The following EYS variants were observed in gnomAD, a reference collection of about 807,000 sequenced individuals.
The protein encoded by EYS is EGF-like photoreceptor maintenance factor, also known as protein eyes shut homolog.
A neutral mutation model predicts 282.1 loss-of-function variants in EYS; 250 were observed. The observed-to-expected ratio is 0.89, with a 90% CI of 0.80 to 0.98. EYS has a LOEUF of 0.98. Among genes scored for constraint, EYS ranks in the 50% least tolerant of loss-of-function variants. The pLI is 0.00. For missense variants in EYS, 4,016 were observed against 3,709.0 expected (o/e 1.08, Z -2.15); for synonymous variants, 1,355 against 1,282.9 (o/e 1.06, Z -1.20).
intron 13 of EYS, among the ~76,000 whole-genome samples, chr6:65,051,846 T>C (rs1418964596): frequency 6.6e-6 from 1 of 151,522 alleles, no homozygotes; most frequent in Non-Finnish European, 1.5e-5. Context: ...TAACTTCATA[T>C]AGATTACAGT....
intron 5 of EYS, among the ~76,000 whole-genome samples, chr6:65,448,665 T>C (rs1764287340): frequency 3.3e-5 from 5 of 152,070 alleles, no homozygotes; most frequent in Admixed American, 2.6e-4. Flanking sequence ...ACTGCTTTAC[T>C]GCTTTATAAA....
rs77025804 is a variant in EYS at position 64,364,317 on chromosome 6, G to C, written c.6078+24373C>G. 7.9e-5 allele frequency among the ~76,000 whole-genome samples: 12 copies of C among 151,912 alleles called. No individual in the cohort carries two copies. The East Asian group carries it at 2.1e-3, about 27-fold the overall frequency. ...TTTACTCTTAGTTTTCTATAATATA[G>C]AATCAGGGATTTAAACTCTATGATC... On this transcript the variant is annotated intron_variant, in intron 29 of 42. Coordinates refer to ENST00000503581, the MANE Select transcript of EYS (RefSeq NM_001142800.2).
At chr6:64,844,577 C>A (rs1331652994) in intron 19 of EYS, among the ~76,000 whole-genome samples, 1 of 151,982 alleles carries the variant, frequency 6.6e-6, no homozygotes, top group Non-Finnish European at 1.5e-5. Flanking sequence ...ACCCTTCTTT[C>A]ACCTACTAGT....
At chr6:65,301,265 G>A (rs60158763) in intron 11 of EYS, among the ~76,000 whole-genome samples, 8,332 of 152,044 alleles carry the variant, frequency 0.055, 248 homozygotes, top group South Asian at 0.095. Context: ...GGAGGCCGAG[G>A]CGGGCAGATC....
In EYS at chr6:65,078,216, T is replaced by G. The variant is rs569529900; in HGVS notation, c.2024-20489A>C. 1.4e-4 allele frequency among the ~76,000 whole-genome samples: 21 copies of G among 152,286 alleles called. 1 individual carries two copies. Among genetic ancestry groups the G allele is most frequent in the Admixed American group, 7.2e-4 (11 of 15,280 alleles). ...TATATGCCAGCATGCACTTTATGTT[T>G]GCAGTCAGGTTTAGAATTTTATGTC... On this transcript the variant is annotated intron_variant, in intron 12 of 42. Transcript: ENST00000503581.
intron 13 of EYS, among the ~76,000 whole-genome samples, chr6:65,023,441 T>C (rs913754545): frequency 2.0e-5 from 3 of 152,170 alleles, no homozygotes; most frequent in Non-Finnish European, 2.9e-5. Context: ...GGAGAAAAAT[T>C]GTTGAAATTG....
intron 2 of EYS, among the ~76,000 whole-genome samples, chr6:65,517,591 T>C (rs1260393363): frequency 6.6e-6 from 1 of 152,080 alleles, no homozygotes; most frequent in Admixed American, 6.6e-5. Flanking sequence ...GCAAGTCATT[T>C]TGGGCTTTTT....
intron 31 of EYS, among the ~76,000 whole-genome samples, chr6:64,184,556 CA>C (rs11403969): frequency 0.013 from 1,910 of 143,422 alleles, 17 homozygotes; most frequent in African/African-American, 0.03. Context: ...CACCATTATG[CA>C]AAAAAAAAAA....
At chr6:65,603,440 A>G (rs529400734) in intron 2 of EYS, among the ~76,000 whole-genome samples, 106 of 152,132 alleles carry the variant, frequency 7.0e-4, no homozygotes, top group African/African-American at 2.5e-3. Context: ...AATGAAAACT[A>G]CAATTTGCCT....
chr6:64,149,076 A>G (rs1436551647), intron 31 of EYS, among the ~76,000 whole-genome samples: 2 of 152,250 alleles, frequency 1.3e-5, no homozygotes, highest in South Asian at 2.1e-4. Flanking sequence ...TGCTTTTCTC[A>G]TTATCTGTCC....
intron 22 of EYS, among the ~76,000 whole-genome samples, chr6:64,705,835 G>A (rs1201970936): frequency 2.6e-5 from 3 of 113,492 alleles, no homozygotes; most frequent in Admixed American, 1.8e-4. Flanking sequence ...TGTGGGGTGG[G>A]AGGGAGGGGG....
chr6:63,858,367 G>T (rs1237419092), intron 36 of EYS, among the ~76,000 whole-genome samples: 2 of 152,122 alleles, frequency 1.3e-5, no homozygotes, highest in Non-Finnish European at 2.9e-5. Flanking sequence ...GCCCATCAAA[G>T]CTATTTTTTA....
intron 7 of EYS, among the ~76,000 whole-genome samples, chr6:65,390,861 G>A (rs1766002553): frequency 6.6e-6 from 1 of 151,802 alleles, no homozygotes; most frequent in African/African-American, 2.4e-5. Flanking sequence ...GCCAGCCTGG[G>A]TGAAAACATG....
Position 65,111,744 on chromosome 6 carries a change from G to A in EYS, c.2024-54017C>T, listed in dbSNP as rs191910699. Reference sequence around the variant, plus strand: ...TGCTTGTAATCCCAGCTACTCAGGAGGCTGAAGCAAGAGAATCATTTGAAC... The same window carrying A: ...TGCTTGTAATCCCAGCTACTCAGGAAGCTGAAGCAAGAGAATCATTTGAAC... On this transcript the variant is annotated intron_variant, in intron 12 of 42. Transcript: ENST00000503581. Among the ~76,000 whole-genome samples the A allele has an allele frequency of 8.2e-4, 125 of 152,286 alleles. 2 individuals are homozygous for A. The highest frequency in any genetic ancestry group is 1.5e-3 in the Non-Finnish European group (105 of 68,022).
chr6:64,005,706 C>T (rs548279281), intron 33 of EYS, among the ~76,000 whole-genome samples: 4 of 152,286 alleles, frequency 2.6e-5, no homozygotes, highest in Admixed American at 2.6e-4. Flanking sequence ...GGTATCCCTG[C>T]ACCATTTATT....
At chr6:64,322,904 T>G (rs1264908705) in intron 29 of EYS, among the ~76,000 whole-genome samples, 1 of 152,004 alleles carries the variant, frequency 6.6e-6, no homozygotes, top group Non-Finnish European at 1.5e-5. Flanking sequence ...CAGTTTACTC[T>G]CTCAGCAAGA....
At chr6:64,860,797 G>A (rs1044233607) in intron 19 of EYS, among the ~76,000 whole-genome samples, 1 of 152,220 alleles carries the variant, frequency 6.6e-6, no homozygotes, top group East Asian at 1.9e-4. Flanking sequence ...ACAAGTGGAG[G>A]ATGAGCAAGG....
intron 31 of EYS, among the ~76,000 whole-genome samples, chr6:64,082,705 G>T (rs888361745): frequency 6.6e-6 from 1 of 151,838 alleles, no homozygotes; most frequent in Non-Finnish European, 1.5e-5. Flanking sequence ...AATATGCAAG[G>T]TTATTAGTTT....
chr6:65,397,625 TG>T (rs1766336904), intron 7 of EYS, among the ~76,000 whole-genome samples: 2 of 142,310 alleles, frequency 1.4e-5, no homozygotes, highest in African/African-American at 2.6e-5. Flanking sequence ...TGTGTGTGTG[TG>T]TGTGTATCAT....
Sources: allele counts gnomAD v4.1 joint callset (sites outside exome capture counted in the v4.1 genomes callset), GRCh38; gene constraint gnomAD v4.1.1; transcripts MANE v1.5; gene names NCBI Gene and HGNC (gene_info 2026-07-23, HGNC 2026-07-21).